The following PGS1 variants were observed in gnomAD, a reference collection of about 807,000 sequenced individuals.
PGS1 encodes CDP-diacylglycerol--glycerol-3-phosphate 3-phosphatidyltransferase, mitochondrial.
Under a neutral mutation model 58.3 loss-of-function variants are expected in PGS1, and 44 were observed. That is an observed-to-expected ratio of 0.75 (90% CI 0.59 to 0.97). The LOEUF is 0.97. Ranked by LOEUF, PGS1 falls within the 50% of genes least tolerant of loss-of-function variation. The pLI, the probability that PGS1 is intolerant of heterozygous loss-of-function variation, is 0.00. For synonymous variants in PGS1, 330 were observed against 311.0 expected (o/e 1.06, Z -0.64); for missense variants, 684 against 731.1 (o/e 0.94, Z 0.74).
intron 6 of PGS1, among the ~76,000 whole-genome samples, chr17:78,401,157 T>C (rs1567970393): frequency 1.3e-5 from 2 of 151,976 alleles, no homozygotes; most frequent in African/African-American, 4.8e-5. Flanking sequence ...CAGGCAAGGG[T>C]ATGCAGCAGC....
chr17:78,413,109 G>C (rs77998478), intron 7 of PGS1, among the ~76,000 whole-genome samples: 1 of 152,250 alleles, frequency 6.6e-6, no homozygotes, highest in Non-Finnish European at 1.5e-5. Context: ...TGGCCCAGCG[G>C]AGCGGTACTG....
intron 2 of PGS1, among the ~76,000 whole-genome samples, chr17:78,392,969 G>C (rs910783541): frequency 6.6e-6 from 1 of 152,160 alleles, no homozygotes; most frequent in Non-Finnish European, 1.5e-5. Context: ...ATGTTACCCA[G>C]ATGGGTCTTG....
At chr17:78,391,976 A>T (rs1328732636) in intron 1 of PGS1, among the ~76,000 whole-genome samples, 1 of 152,226 alleles carries the variant, frequency 6.6e-6, no homozygotes, top group Non-Finnish European at 1.5e-5. Flanking sequence ...TTCCTTGAAT[A>T]GAAATCTTGT....
chr17:78,404,083 G>T lies in PGS1; in HGVS notation c.1396G>T (p.Ala466Ser). 6.4e-7 allele frequency: 1 copy of T among 1,557,658 alleles called. No individual in the cohort carries two copies. The highest frequency in any genetic ancestry group is 2.3e-5 in the East Asian group (1 of 43,036). Residue 466 changes from alanine to serine, a missense_variant, in exon 7 of 10, where the codon GCC (alanine) becomes TCC (serine). By Grantham distance (99) the Ala-to-Ser change is moderately conservative. Coordinates refer to ENST00000262764, the MANE Select transcript of PGS1 (RefSeq NM_024419.5). ...EYWRRGWTFH[A>S]KGLWLYLAGS... ...CTGGCGGAGGGGCTGGACGTTCCAC[G>T]CCAAAGGTGCGCAGCGGCTGGCTGG...
intron 7 of PGS1, among the ~76,000 whole-genome samples, chr17:78,413,199 C>G (rs16971236): frequency 0.024 from 3,643 of 152,322 alleles, 139 homozygotes; most frequent in African/African-American, 0.082. Context: ...ATTACAGGAA[C>G]AGGCGTAGGG....
intron 7 of PGS1, among the ~76,000 whole-genome samples, chr17:78,410,152 C>T (rs994909614): frequency 1.3e-5 from 2 of 151,132 alleles, no homozygotes; most frequent in Admixed American, 6.6e-5. Flanking sequence ...AGGCCAGGTG[C>T]AGTTGTGACT....
rs2083879458 is a variant in PGS1 at position 78,403,696 on chromosome 17, G to A, written c.1009G>A (p.Ala337Thr). 6.2e-7 allele frequency: 1 copy of A among 1,614,134 alleles called. No homozygotes were observed. Among genetic ancestry groups the A allele is most frequent in the African/African-American group, 1.3e-5 (1 of 74,946 alleles). The change falls in exon 7 of 10, where the codon GCA becomes ACA. Residue 337 changes from alanine (A) to threonine (T), a missense_variant. Ala to Thr is a moderately conservative substitution (Grantham distance 58, BLOSUM62 0). Coordinates refer to ENST00000262764, the MANE Select transcript of PGS1 (RefSeq NM_024419.5). ...HSNSLLTQED[A>T]AAAGDRRPAP... The stretch of plus-strand genomic sequence containing the variant: ...CAACTCTCTTTTGACCCAGGAAGAT[G>A]CAGCAGCTGCTGGGGATCGCAGACC...
At chr17:78,397,815 C>T (rs7212201) in intron 3 of PGS1, among the ~76,000 whole-genome samples, 2 of 152,068 alleles carry the variant, frequency 1.3e-5, no homozygotes, top group Non-Finnish European at 2.9e-5. Flanking sequence ...ATGGAATGTC[C>T]GCACTGCGGA....
intron 8 of PGS1, among the ~76,000 whole-genome samples, chr17:78,419,206 TC>T (rs1215188967): frequency 6.6e-6 from 1 of 152,198 alleles, no homozygotes; most frequent in African/African-American, 2.4e-5. Flanking sequence ...GATGATGTCT[TC>T]CCTGTGTTGC....
At chr17:78,398,200 TACAC>T in intron 3 of PGS1, 48 bp from the exon 4 acceptor site, 1 of 1,313,774 alleles carries the variant, frequency 7.6e-7, no homozygotes, top group South Asian at 1.2e-5. Context: ...TTTCTTTAAA[TACAC>T]ACACCTCTTT....
intron 2 of PGS1, among the ~76,000 whole-genome samples, chr17:78,393,604 C>T (rs1046699187): frequency 1.2e-4 from 18 of 152,188 alleles, no homozygotes; most frequent in East Asian, 3.9e-4. Context: ...CTCGTGGGTG[C>T]GATTTGATAT....
In PGS1 at chr17:78,424,124, T is replaced by C; in HGVS notation, c.*74T>C. 6.2e-7 allele frequency: 1 copy of C among 1,613,390 alleles called. No homozygotes were observed. Among genetic ancestry groups the C allele is most frequent in the South Asian group, 1.1e-5 (1 of 91,082 alleles). On this transcript the variant is annotated 3_prime_UTR_variant, in exon 10 of 10. Coordinates refer to ENST00000262764, the MANE Select transcript of PGS1 (RefSeq NM_024419.5). The stretch of plus-strand genomic sequence containing the variant: ...AGCTCTTTCAGCCGCGCTTCAGCGA[T>C]GACTCCAGTCTGGGTGTCCCAGCGA...
rs765424936 is a variant in PGS1, at chr17:78,424,092, C to T, written c.*42C>T. ...CCTTGATGAAGATGACAGGCATGGCCGGGGTCAGCTCTTTCAGCCGCGCTT... is the reference window on the plus strand; with the variant it reads ...CCTTGATGAAGATGACAGGCATGGCTGGGGTCAGCTCTTTCAGCCGCGCTT... On this transcript the variant is annotated 3_prime_UTR_variant, in exon 10 of 10. Coordinates refer to ENST00000262764, the MANE Select transcript of PGS1 (RefSeq NM_024419.5). The T allele has an allele frequency of 2.3e-5, 37 of 1,613,784 alleles. 1 individual carries two copies. The highest frequency in any genetic ancestry group is 3.3e-5 in the Admixed American group (2 of 60,002).
intron 6 of PGS1, among the ~76,000 whole-genome samples, chr17:78,402,408 A>G (rs1045698418): frequency 1.6e-4 from 1 of 6,408 alleles, no homozygotes; most frequent in African/African-American, 3.1e-4. Context: ...ATATATATAT[A>G]TATATATATA....
intron 1 of PGS1, among the ~76,000 whole-genome samples, chr17:78,389,479 C>T (rs2146110907): frequency 6.6e-6 from 1 of 150,972 alleles, no homozygotes; most frequent in South Asian, 2.1e-4. Context: ...GCCACCATGC[C>T]CGGCCCAATT....
chr17:78,415,150 A>C (rs2085070283), intron 8 of PGS1, 123 bp downstream of exon 8: 10 of 1,108,230 alleles, frequency 9.0e-6, no homozygotes, highest in Non-Finnish European at 1.3e-5. Context: ...CTCAGAGCAG[A>C]GCAAGAAAGA....
intron 1 of PGS1, among the ~76,000 whole-genome samples, chr17:78,385,813 G>C (rs1343429146): frequency 6.6e-6 from 1 of 152,248 alleles, no homozygotes; most frequent in East Asian, 1.9e-4. Context: ...TGTGAGCTCA[G>C]TTCCCACTGA....
In PGS1 at chr17:78,419,651, A is replaced by AAGAACTTCTTC; in HGVS notation, c.1658_1668dup (p.Ter557ArgfsTer12). ...GGTGAAGATGGTGACTCCACTGATC[A>AAGAACTTCTTC]AGAACTTCTTCTGAGGACAGACAGG... On this transcript the variant is annotated frameshift_variant, in exon 9 of 10. Coordinates refer to ENST00000262764, the MANE Select transcript of PGS1 (RefSeq NM_024419.5). LOFTEE classifies it high-confidence loss of function. 2 of 1,614,086 alleles carry AAGAACTTCTTC rather than the reference A, an allele frequency of 1.2e-6. No individual in the cohort carries two copies. The highest frequency in any genetic ancestry group is 1.7e-6 in the Non-Finnish European group (2 of 1,179,968).
At position 78,412,140 on chromosome 17, in the gene PGS1, C is replaced by T. The variant is rs116611834; in HGVS notation, c.1403-2739C>T. 4.7e-3 allele frequency among the ~76,000 whole-genome samples: 720 copies of T among 152,134 alleles called. 10 individuals carry two copies. The highest frequency in any genetic ancestry group is 0.017 in the African/African-American group (694 of 41,488). ...TTCCCAGCTGCCCTGGCCTGTGGGG[C>T]ATGCTGGGGTGTGGGCATCTCACAG... On this transcript the variant is annotated intron_variant, in intron 7 of 9. Transcript: ENST00000262764.
Sources: allele counts gnomAD v4.1 joint callset (sites outside exome capture counted in the v4.1 genomes callset), GRCh38; gene constraint gnomAD v4.1.1; transcripts MANE v1.5; gene names NCBI Gene and HGNC (gene_info 2026-07-23, HGNC 2026-07-21).